VPS13B: variants seen among roughly 807,000 people sequenced by gnomAD.
The protein encoded by VPS13B is vacuolar protein sorting 13 homolog B.
In VPS13B, 285 loss-of-function variants were observed where a neutral mutation model predicts 426.4. The observed-to-expected ratio is 0.67, with a 90% confidence interval of 0.61 to 0.74. VPS13B has a LOEUF of 0.74. Ranked by LOEUF, VPS13B falls within the 30% of genes least tolerant of loss-of-function variation. The pLI, the probability that VPS13B is intolerant of heterozygous loss-of-function variation, is 0.00. For synonymous variants in VPS13B, 1,676 were observed against 1,676.4 expected, an observed-to-expected ratio of 1.00 and a Z score of 0.01; for missense variants, 4,537 against 4,782.6, an observed-to-expected ratio of 0.95 and a Z score of 1.51.
intron 19 of VPS13B, among the ~76,000 whole-genome samples, chr8:99,303,279 A>AAAAT (rs60507228): frequency 6.8e-6 from 1 of 147,558 alleles, no homozygotes; most frequent in Non-Finnish European, 1.5e-5. Context: ...AAAAAAAAAA[A>AAAAT]GGAAAACAAC....
chr8:99,501,922 C>G (rs1345800784), intron 26 of VPS13B, 64 bp downstream of exon 26: 1 of 1,411,120 alleles, frequency 7.1e-7, no homozygotes, highest in Admixed American at 2.0e-5. Flanking sequence ...CTCCCTCCCT[C>G]CCTCCCTTCC....
chr8:99,693,421 A>G (rs1188846788), intron 35 of VPS13B, among the ~76,000 whole-genome samples: 1 of 144,814 alleles, frequency 6.9e-6, no homozygotes, highest in Non-Finnish European at 1.5e-5. Context: ...AATCCAGCAT[A>G]TAAACAGAGC....
At chr8:99,328,886 A>G (rs1239282012) in intron 19 of VPS13B, among the ~76,000 whole-genome samples, 1 of 152,056 alleles carries the variant, frequency 6.6e-6, no homozygotes, top group Non-Finnish European at 1.5e-5. Flanking sequence ...AGGAAAATCT[A>G]CTTTACGTCT....
chr8:99,626,672 T>C lies in VPS13B; in HGVS notation c.5221-15139T>C, dbSNP rs900789854. Among the ~76,000 whole-genome samples the C allele has an allele frequency of 5.3e-5, 8 of 152,338 alleles. No homozygotes were observed. In the East Asian group the frequency reaches 7.7e-4, roughly 15 times the overall value. On this transcript the variant is annotated intron_variant, in intron 33 of 61. Transcript: ENST00000357162. Reference sequence around the variant, plus strand: ...GGATGCGGAGAAAAAGGAACTCTTATGCGTTGTTGGTGGGAATGTAAATGC... The same window carrying C: ...GGATGCGGAGAAAAAGGAACTCTTACGCGTTGTTGGTGGGAATGTAAATGC...
At position 99,134,627 on chromosome 8, in the gene VPS13B, C is replaced by T. The variant is rs751102318; in HGVS notation, c.1207-5C>T. ...TGATTTACTTAATATTCTTATATTT[C>T]TTAGCTCACAGAAATGCAAGTTGAG... is the stretch of plus-strand genomic sequence containing the variant. On this transcript the variant is annotated splice_region_variant and splice_polypyrimidine_tract_variant and intron_variant, in intron 8 of 61. Transcript: ENST00000357162. The T allele has an allele frequency of 1.3e-6, 2 of 1,588,762 alleles. No individual in the cohort carries two copies. The highest frequency in any genetic ancestry group is 1.7e-5 in the Admixed American group (1 of 58,964).
intron 12 of VPS13B, among the ~76,000 whole-genome samples, chr8:99,137,578 G>A (rs189186016): frequency 4.6e-5 from 7 of 151,942 alleles, no homozygotes; most frequent in East Asian, 1.9e-4. Context: ...TTGAAACTTC[G>A]CAGAGTTGAT....
intron 21 of VPS13B, among the ~76,000 whole-genome samples, chr8:99,394,988 C>G (rs976646008): frequency 6.6e-6 from 1 of 152,128 alleles, no homozygotes; most frequent in African/African-American, 2.4e-5. Flanking sequence ...AAACAACTAA[C>G]AAACTGGATA....
chr8:99,600,638 A>C (rs1827243572), intron 33 of VPS13B, among the ~76,000 whole-genome samples: 1 of 152,154 alleles, frequency 6.6e-6, no homozygotes, highest in African/African-American at 2.4e-5. Context: ...GCATAAATTG[A>C]AGCACTCATT....
intron 33 of VPS13B, among the ~76,000 whole-genome samples, chr8:99,618,252 C>T (rs1041826514): frequency 1.3e-4 from 20 of 149,772 alleles, no homozygotes; most frequent in African/African-American, 4.7e-4. Context: ...TAATGTATTT[C>T]CTTTATAATA....
At chr8:99,386,283 A>T (rs1471166423) in intron 20 of VPS13B, among the ~76,000 whole-genome samples, 1 of 152,210 alleles carries the variant, frequency 6.6e-6, no homozygotes, top group Non-Finnish European at 1.5e-5. Flanking sequence ...TTAACTTTTT[A>T]AAAAATTATA....
Position 99,778,685 on chromosome 8 carries a change from C to T in VPS13B, c.7433C>T (p.Ala2478Val). ...CHHLDQLGTA[A>V]PQYLQPFVSD... ...TCCTTGTTTGTTTTCTCAACAGCTG[C>T]ACCACAGTACCTACAGCCATTTGTT... The change falls in exon 42 of 62, where the codon GCA becomes GTA. Residue 2478 changes from alanine to valine, a missense_variant. This residue lies in a region of VPS13B where 4,311 missense variants were observed against 4,474.3 expected (regional missense o/e 0.96). Coordinates refer to ENST00000357162, the MANE Select transcript of VPS13B (RefSeq NM_152564.5). 2 of 1,613,692 alleles carry T rather than the reference C, an allele frequency of 1.2e-6. No homozygotes were observed. The highest frequency in any genetic ancestry group is 1.7e-6 in the Non-Finnish European group (2 of 1,179,696).
chr8:99,654,082 T>C (rs921370940), intron 34 of VPS13B, among the ~76,000 whole-genome samples: 4 of 151,870 alleles, frequency 2.6e-5, no homozygotes, highest in Admixed American at 6.6e-5. Context: ...AGAGTCTTGC[T>C]CTGTCACCCA....
chr8:99,656,672 G>A (rs991430524), intron 34 of VPS13B, among the ~76,000 whole-genome samples: 1 of 152,166 alleles, frequency 6.6e-6, no homozygotes, highest in African/African-American at 2.4e-5. Context: ...ACTAAAGGGT[G>A]ACTTTTGAAC....
At chr8:99,288,002 A>G (rs574903550) in intron 19 of VPS13B, among the ~76,000 whole-genome samples, 180 of 152,164 alleles carry the variant, frequency 1.2e-3, no homozygotes, top group Middle Eastern at 0.01. Context: ...TGAAAGACTT[A>G]TATTTGAAGT....
At chr8:99,034,813 G>C (rs1842671156) in intron 2 of VPS13B, among the ~76,000 whole-genome samples, 1 of 152,134 alleles carries the variant, frequency 6.6e-6, no homozygotes, top group South Asian at 2.1e-4. Context: ...GAGAGGATTT[G>C]CCGAGCTCCT....
At chr8:99,767,071 C>G (rs1294374915) in intron 40 of VPS13B, 101 bp downstream of exon 40, 1 of 1,137,904 alleles carries the variant, frequency 8.8e-7, no homozygotes, top group African/African-American at 1.5e-5. Context: ...TCTCAGCTGT[C>G]TAGCAGCTGC....
intron 19 of VPS13B, among the ~76,000 whole-genome samples, chr8:99,360,208 C>CTCTT (rs796374954): frequency 2.4e-4 from 5 of 20,638 alleles, no homozygotes; most frequent in Admixed American, 1.7e-3. Flanking sequence ...CTCTCTCTCT[C>CTCTT]TCTTTCTTTC....
intron 39 of VPS13B, among the ~76,000 whole-genome samples, chr8:99,741,959 A>C (rs1809752544): frequency 6.6e-6 from 1 of 152,216 alleles, no homozygotes; most frequent in African/African-American, 2.4e-5. Flanking sequence ...GCAGAAGGCA[A>C]GAAATAACTA....
At chr8:99,058,370 A>C (rs1843997628) in intron 3 of VPS13B, among the ~76,000 whole-genome samples, 1 of 151,438 alleles carries the variant, frequency 6.6e-6, no homozygotes, top group Admixed American at 6.6e-5. Context: ...ATTTATTTTA[A>C]ATTATCCATA....
Sources: allele counts gnomAD v4.1 joint callset (sites outside exome capture counted in the v4.1 genomes callset), GRCh38; gene constraint gnomAD v4.1.1; regional missense constraint gnomAD v4.1.1; transcripts MANE v1.5; gene names NCBI Gene and HGNC (gene_info 2026-07-23, HGNC 2026-07-21).